Variants in TAX1BP1 observed in about 807,000 individuals in gnomAD.
The protein encoded by TAX1BP1 is tax1-binding protein 1.
A neutral mutation model predicts 97.7 loss-of-function variants in TAX1BP1; 62 were observed. The ratio of observed to expected loss-of-function variants is 0.63; its 90% CI spans 0.52 to 0.78. TAX1BP1 has a LOEUF of 0.78. TAX1BP1 is among the 30% of genes least tolerant of loss of function. TAX1BP1 has a pLI of 0.00. For synonymous variants in TAX1BP1, 340 were observed against 304.2 expected, an observed-to-expected ratio of 1.12 and a Z score of -1.23; for missense variants, 867 against 916.1, an observed-to-expected ratio of 0.95 and a Z score of 0.69.
Position 27,792,228 on chromosome 7 carries a change from C to G in TAX1BP1, c.1261C>G (p.Gln421Glu). 1 of 1,599,140 alleles carries G rather than the reference C, an allele frequency of 6.3e-7. No homozygotes were observed. Among genetic ancestry groups the G allele is most frequent in the East Asian group, 2.3e-5 (1 of 44,072 alleles). Residue 421 changes from glutamine (Q) to glutamate (E), a missense_variant and splice_region_variant, in exon 9 of 17, where the codon CAG (glutamine) becomes GAG (glutamate). Gln to Glu is a conservative substitution (Grantham distance 29, BLOSUM62 2). Coordinates refer to ENST00000396319, the MANE Select transcript of TAX1BP1 (RefSeq NM_006024.7). The part of the protein sequence containing the change: ...ELKLNAMKKD[Q>E]DKTDTLEHEL... ...TAAACTAAATGCTATGAAAAAAGAT[C>G]AGGTAAAACAAGTTAATTTTGAATT...
At position 27,763,577 on chromosome 7, in the gene TAX1BP1, G is replaced by C. The variant is rs371111098; in HGVS notation, c.266-2257G>C. 2.4e-3 allele frequency among the ~76,000 whole-genome samples: 361 copies of C among 152,274 alleles called. 2 individuals carry two copies. The highest frequency in any genetic ancestry group is 8.4e-3 in the African/African-American group (347 of 41,554). The stretch of plus-strand genomic sequence containing the variant: ...AGGATAGGAATTCAAGACCAGTCTT[G>C]CCAACATGGTGAAACCCCGTCTCCA... On this transcript the variant is annotated intron_variant, in intron 3 of 16. Coordinates refer to ENST00000396319, the MANE Select transcript of TAX1BP1 (RefSeq NM_006024.7).
At chr7:27,760,580 G>A (rs2128310090) in intron 3 of TAX1BP1, among the ~76,000 whole-genome samples, 1 of 152,054 alleles carries the variant, frequency 6.6e-6, no homozygotes, top group South Asian at 2.1e-4. Flanking sequence ...ATTTTTAGTA[G>A]AGATGGGGTT....
Position 27,829,069 on chromosome 7 carries a change from A to G in TAX1BP1, c.*240A>G, listed in dbSNP as rs1454314592. 4 of 382,592 alleles carry G rather than the reference A, an allele frequency of 1.0e-5. No individual in the cohort carries two copies. The allele number at this position is 382,592 out of a possible 1,614,324, so 23.7% of individuals were successfully genotyped here. A position where few individuals can be genotyped will look rare whatever the true frequency, so the allele number is the denominator to read the frequency against. ...TAAAAAAAAGTTCTTGTGTGTTCGTATCTTTATTTATTCCCTAGTTTGCAG... is the reference window on the plus strand; with the variant it reads ...TAAAAAAAAGTTCTTGTGTGTTCGTGTCTTTATTTATTCCCTAGTTTGCAG... On this transcript the variant is annotated 3_prime_UTR_variant, in exon 17 of 17. Coordinates refer to ENST00000396319, the MANE Select transcript of TAX1BP1 (RefSeq NM_006024.7).
chr7:27,820,590 G>C (rs1017237437), intron 15 of TAX1BP1, among the ~76,000 whole-genome samples: 1 of 152,076 alleles, frequency 6.6e-6, no homozygotes, highest in Non-Finnish European at 1.5e-5. Flanking sequence ...TATCAAGAGA[G>C]CCAAGACAAT....
intron 1 of TAX1BP1, among the ~76,000 whole-genome samples, chr7:27,741,513 T>G (rs1011365257): frequency 5.3e-5 from 8 of 152,026 alleles, no homozygotes; most frequent in Non-Finnish European, 1.0e-4. Context: ...TTTTTTTTTT[T>G]TCCTTGAGAT....
intron 14 of TAX1BP1, 96 bp downstream of exon 14, chr7:27,816,616 C>A: frequency 9.0e-7 from 1 of 1,105,772 alleles, no homozygotes. Context: ...TATAATCAAC[C>A]CTAATACAAA....
chr7:27,786,639 G>A (rs895562138), intron 7 of TAX1BP1, among the ~76,000 whole-genome samples: 5 of 152,128 alleles, frequency 3.3e-5, no homozygotes, highest in South Asian at 2.1e-4. Flanking sequence ...ATCAGGTAGC[G>A]TTTTAAAGTG....
chr7:27,772,037 C>T (rs1480501644), intron 5 of TAX1BP1: 1 of 151,770 alleles, frequency 6.6e-6, no homozygotes, highest in Non-Finnish European at 1.5e-5. Context: ...CATAATGTAA[C>T]CAAAAAAACC....
At chr7:27,761,486 C>G (rs1006126139) in intron 3 of TAX1BP1, among the ~76,000 whole-genome samples, 6 of 152,168 alleles carry the variant, frequency 3.9e-5, no homozygotes, top group African/African-American at 7.2e-5. Flanking sequence ...CCCACCAACT[C>G]ATCTCTCCTT....
chr7:27,827,861 G>T (rs761300029), intron 16 of TAX1BP1, 41 bp downstream of exon 16: 12 of 1,572,134 alleles, frequency 7.6e-6, no homozygotes, highest in Non-Finnish European at 9.6e-6. Context: ...GGTTATATCG[G>T]CCAGTGGTTC....
At chr7:27,746,415 G>GTT (rs34156347) in intron 1 of TAX1BP1, among the ~76,000 whole-genome samples, 2 of 119,544 alleles carry the variant, frequency 1.7e-5, no homozygotes, top group Non-Finnish European at 3.6e-5. Context: ...TGGAATTGGT[G>GTT]TTTTTTTTTT....
rs905039198 is a variant in TAX1BP1, at chr7:27,823,619, A to AT, written c.2086-4111dup. 5.9e-5 allele frequency among the ~76,000 whole-genome samples: 9 copies of AT among 152,118 alleles called. No individual in the cohort carries two copies. The South Asian group carries it at 6.2e-4, about 11-fold the overall frequency. ...CCATAACTTGATCATGATAGATGGC[A>AT]TTTTTTTTATTGTGGTAGAATAAAT... On this transcript the variant is annotated intron_variant, in intron 15 of 16. Coordinates refer to ENST00000396319, the MANE Select transcript of TAX1BP1 (RefSeq NM_006024.7).
chr7:27,803,972 A>G (rs1226091855), intron 13 of TAX1BP1, among the ~76,000 whole-genome samples: 4 of 152,238 alleles, frequency 2.6e-5, no homozygotes, highest in Non-Finnish European at 5.9e-5. Context: ...TCAAAGTGAA[A>G]TGAAATGAGC....
chr7:27,791,154 G>A (rs184334313), intron 8 of TAX1BP1, among the ~76,000 whole-genome samples: 157 of 152,134 alleles, frequency 1.0e-3, no homozygotes, highest in African/African-American at 3.7e-3. Flanking sequence ...CTATTAGTGT[G>A]ATGCCTCCGA....
At chr7:27,753,730 A>C (rs767988258) in intron 2 of TAX1BP1, among the ~76,000 whole-genome samples, 10 of 151,786 alleles carry the variant, frequency 6.6e-5, no homozygotes, top group Non-Finnish European at 1.2e-4. Flanking sequence ...GCTAATTTTG[A>C]ATAATCAGAT....
intron 15 of TAX1BP1, among the ~76,000 whole-genome samples, chr7:27,826,094 A>C (rs1006980424): frequency 2.0e-5 from 3 of 152,232 alleles, no homozygotes; most frequent in Non-Finnish European, 4.4e-5. Context: ...GCACAAAATC[A>C]GAATTCACTG....
chr7:27,768,006 T>C (rs1788705733), intron 4 of TAX1BP1, among the ~76,000 whole-genome samples: 1 of 151,934 alleles, frequency 6.6e-6, no homozygotes, highest in African/African-American at 2.4e-5. Flanking sequence ...GAGACATAAT[T>C]TTGCAATCTG....
chr7:27,828,852 A>T lies in TAX1BP1; in HGVS notation c.*23A>T. On this transcript the variant is annotated 3_prime_UTR_variant, in exon 17 of 17. Coordinates refer to ENST00000396319, the MANE Select transcript of TAX1BP1 (RefSeq NM_006024.7). The stretch of plus-strand genomic sequence containing the variant: ...TAGTTACTTTTTATTATGAGTTAAT[A>T]TAGTTTAGCAGTAAAAAAAAAAAAA... 16 of 1,177,290 alleles carry T rather than the reference A, an allele frequency of 1.4e-5. No individual in the cohort carries two copies. The highest frequency in any genetic ancestry group is 1.7e-5 in the Non-Finnish European group (14 of 817,500). 72.9% of individuals were successfully genotyped at this position (1,177,290 alleles called of 1,614,324 possible). A position where few individuals can be genotyped will look rare whatever the true frequency, so the allele number is the denominator to read the frequency against.
At chr7:27,774,726 GT>G (rs1252946385) in intron 5 of TAX1BP1, among the ~76,000 whole-genome samples, 12 of 152,002 alleles carry the variant, frequency 7.9e-5, no homozygotes, top group African/African-American at 2.7e-4. Flanking sequence ...CATCTTTAGT[GT>G]TTTTCTGTGG....
Sources: allele counts gnomAD v4.1 joint callset (sites outside exome capture counted in the v4.1 genomes callset), GRCh38; gene constraint gnomAD v4.1.1; transcripts MANE v1.5; gene names NCBI Gene and HGNC (gene_info 2026-07-23, HGNC 2026-07-21).